Variants in RPA1 observed in about 807,000 individuals in gnomAD.
RPA1 encodes replication protein A 70 kDa DNA-binding subunit.
In RPA1, 49 loss-of-function variants were observed where a neutral mutation model predicts 83.0. The observed-to-expected ratio is 0.59, with a 90% confidence interval of 0.47 to 0.75. The LOEUF (loss-of-function observed/expected upper bound fraction) is 0.75, where lower values mean the gene tolerates loss of function less well. Ranked by LOEUF, RPA1 falls within the 30% of genes least tolerant of loss-of-function variation. The pLI is 0.00. For missense variants in RPA1, 693 were observed against 776.1 expected, an observed-to-expected ratio of 0.89 and a Z score of 1.27; for synonymous variants, 279 against 281.8, an observed-to-expected ratio of 0.99 and a Z score of 0.10.
Position 1,830,122 on chromosome 17 carries a change from T to C in RPA1, c.29T>C (p.Ile10Thr), listed in dbSNP as rs1381711488. Residue 10 changes from isoleucine to threonine, a missense_variant, in exon 1 of 17, where the codon ATT (isoleucine) becomes ACT (threonine). By Grantham distance (89) the Ile-to-Thr change is moderately conservative (BLOSUM62 -1). Transcript: ENST00000254719. ...GTCGGCCAACTGAGCGAGGGGGCCA[T>C]TGCGGTGAGGAGGTGCCGGGGGCTG... MVGQLSEGA[I>T]AAIMQKGDTN... is the part of the protein sequence containing the mutation. 2 of 1,248,084 alleles carry C rather than the reference T, an allele frequency of 1.6e-6. No homozygotes were observed. The highest frequency in any genetic ancestry group is 2.0e-6 in the Non-Finnish European group (2 of 988,254). The allele number at this position is 1,248,084 out of a possible 1,614,324, so 77.3% of individuals were successfully genotyped here. A position where few individuals can be genotyped will look rare whatever the true frequency, so the allele number is the denominator to read the frequency against.
intron 5 of RPA1, among the ~76,000 whole-genome samples, chr17:1,870,117 A>G (rs1913323331): frequency 6.6e-6 from 1 of 152,160 alleles, no homozygotes; most frequent in Non-Finnish European, 1.5e-5. Context: ...TGGTTCCTCT[A>G]ACCCAGCGTT....
intron 12 of RPA1, among the ~76,000 whole-genome samples, chr17:1,882,692 G>A (rs748723800): frequency 1.5e-4 from 23 of 152,138 alleles, no homozygotes; most frequent in Non-Finnish European, 3.2e-4. Context: ...TTTGGCTTCT[G>A]TATCAGGCAT....
chr17:1,875,289 C>G (rs1015945012), intron 6 of RPA1, among the ~76,000 whole-genome samples: 2 of 152,210 alleles, frequency 1.3e-5, no homozygotes, highest in Non-Finnish European at 2.9e-5. Flanking sequence ...TTACCAGTTA[C>G]AAAAGTTGAT....
rs116245871 is a variant in RPA1, at chr17:1,856,035, T to C, written c.361+2846T>C. On this transcript the variant is annotated intron_variant, in intron 5 of 16. Coordinates refer to ENST00000254719, the MANE Select transcript of RPA1 (RefSeq NM_002945.5). ...AATTATCAGATGGATTTAAAAAATATATTTCCAGCTGGGTGCAGTGGCTCA... is the reference window on the plus strand; with the variant it reads ...AATTATCAGATGGATTTAAAAAATACATTTCCAGCTGGGTGCAGTGGCTCA... 6.6e-3 allele frequency among the ~76,000 whole-genome samples: 1,002 copies of C among 152,212 alleles called. 13 individuals are homozygous for C. The highest frequency in any genetic ancestry group is 0.023 in the African/African-American group (953 of 41,530).
At chr17:1,875,593 T>A (rs1913542275) in intron 6 of RPA1, 68 bp from the exon 7 acceptor site, 1 of 1,525,280 alleles carries the variant, frequency 6.6e-7, no homozygotes, top group Non-Finnish European at 8.8e-7. Flanking sequence ...AGAGTTATTG[T>A]AAAGCTTACT....
chr17:1,844,711 T>G (rs373413161), intron 4 of RPA1, 25 bp downstream of exon 4: 2 of 1,561,902 alleles, frequency 1.3e-6, no homozygotes, highest in Admixed American at 1.7e-5. Flanking sequence ...TTTTTCTGTC[T>G]TATTGTATCG....
Position 1,891,896 on chromosome 17 carries a change from A to C in RPA1, c.1615A>C (p.Ile539Leu), listed in dbSNP as rs759325882. Reference protein sequence around the residue: ...VTCFQESAEAILGQNAAYLGE... With the variant: ...VTCFQESAEALLGQNAAYLGE... ...TTGTTTCCAGGAGTCTGCTGAAGCT[A>C]TCCTTGGACAAAATGCTGCTTATCT... Residue 539 changes from isoleucine to leucine, a missense_variant, in exon 15 of 17, where the codon ATC (isoleucine) becomes CTC (leucine). Ile to Leu is a conservative substitution (Grantham distance 5). Transcript: ENST00000254719. The C allele has an allele frequency of 6.2e-7, 1 of 1,608,926 alleles. No individual in the cohort carries two copies. The highest frequency in any genetic ancestry group is 2.2e-5 in the East Asian group (1 of 44,782).
At chr17:1,846,410 C>T (rs568544691) in intron 4 of RPA1, among the ~76,000 whole-genome samples, 2 of 151,124 alleles carry the variant, frequency 1.3e-5, no homozygotes, top group Non-Finnish European at 1.5e-5. Flanking sequence ...CTTGACCTCC[C>T]GGGCTCAGGT....
chr17:1,856,684 C>A (rs1239797876), intron 5 of RPA1, among the ~76,000 whole-genome samples: 2 of 150,626 alleles, frequency 1.3e-5, no homozygotes, highest in African/African-American at 2.4e-5. Flanking sequence ...TTTTAATTTA[C>A]TTTTTTTATT....
At chr17:1,859,028 A>C (rs1912835515) in intron 5 of RPA1, among the ~76,000 whole-genome samples, 1 of 150,426 alleles carries the variant, frequency 6.6e-6, no homozygotes, top group African/African-American at 2.4e-5. Flanking sequence ...TCAGCCTCCC[A>C]GGTAGCTAGG....
chr17:1,876,365 G>A (rs1657327378), intron 7 of RPA1, among the ~76,000 whole-genome samples: 1 of 152,080 alleles, frequency 6.6e-6, no homozygotes, highest in Admixed American at 6.6e-5. Context: ...GACCAGCCTG[G>A]CCAACATGGT....
chr17:1,875,796 G>A lies in RPA1; in HGVS notation c.587+3G>A, dbSNP rs964450603. On this transcript the variant is annotated splice_donor_region_variant and intron_variant, in intron 7 of 16. Transcript: ENST00000254719. ...AGCCTCACTCCTTACCAGTCCAAGT[G>A]AGTTGTTGCATAGAGTAAGTTCAGA... 8.7e-6 allele frequency: 14 copies of A among 1,612,588 alleles called. No homozygotes were observed. The highest frequency in any genetic ancestry group is 1.2e-5 in the Non-Finnish European group (14 of 1,179,492).
chr17:1,849,650 A>G (rs971934099), intron 4 of RPA1, among the ~76,000 whole-genome samples: 23 of 150,908 alleles, frequency 1.5e-4, no homozygotes, highest in Admixed American at 6.6e-5. Flanking sequence ...CTGTATTGAC[A>G]GCGCTGTCAA....
intron 14 of RPA1, among the ~76,000 whole-genome samples, chr17:1,889,149 T>TA (rs1269509600): frequency 6.6e-6 from 1 of 152,186 alleles, no homozygotes; most frequent in Non-Finnish European, 1.5e-5. Flanking sequence ...TAATTGTACT[T>TA]ACACAGCCAA....
intron 14 of RPA1, 110 bp downstream of exon 14, chr17:1,888,961 G>A (rs892151619): frequency 1.0e-5 from 12 of 1,164,190 alleles, no homozygotes; most frequent in African/African-American, 7.7e-5. Context: ...TAGGAAGCCC[G>A]CAGATGAGTA....
At chr17:1,872,404 C>T (rs751972753) in intron 5 of RPA1, 30 bp from the exon 6 acceptor site, 2 of 1,610,330 alleles carry the variant, frequency 1.2e-6, no homozygotes, top group African/African-American at 2.7e-5. Context: ...ATCCTTTGCA[C>T]TAAAACGGGG....
chr17:1,856,571 G>T (rs1041138712), intron 5 of RPA1, among the ~76,000 whole-genome samples: 2 of 152,086 alleles, frequency 1.3e-5, no homozygotes, highest in Non-Finnish European at 2.9e-5. Flanking sequence ...GGGCACTCCA[G>T]CTGGGCCGAC....
rs745637747 is a variant in RPA1 at position 1,879,281 on chromosome 17, T to G, written c.826T>G (p.Tyr276Asp). The change falls in exon 10 of 17, where the codon TAC becomes GAC. Residue 276 changes from tyrosine to aspartate, a missense_variant. Transcript: ENST00000254719. ...GCAGTTCACAGCTGTTAAAAATGAC[T>G]ACGAGATGACCTTCAATAACGAGAC... ...NKQFTAVKND[Y>D]EMTFNNETSV... 1 of 1,614,204 alleles carries G rather than the reference T, an allele frequency of 6.2e-7. No homozygotes were observed. Among genetic ancestry groups the G allele is most frequent in the Admixed American group, 1.7e-5 (1 of 60,024 alleles).
intron 1 of RPA1, among the ~76,000 whole-genome samples, chr17:1,841,971 A>G (rs1912063063): frequency 6.6e-6 from 1 of 152,140 alleles, no homozygotes; most frequent in East Asian, 1.9e-4. Context: ...ATAATATGTC[A>G]TGACATATTA....
Sources: allele counts gnomAD v4.1 joint callset (sites outside exome capture counted in the v4.1 genomes callset), GRCh38; gene constraint gnomAD v4.1.1; transcripts MANE v1.5; gene names NCBI Gene and HGNC (gene_info 2026-07-23, HGNC 2026-07-21).